Variants in GPC6 observed in about 807,000 individuals in gnomAD.
GPC6 encodes the protein glypican 6.
In GPC6, 14 loss-of-function variants were observed where a neutral mutation model predicts 55.2. The observed-to-expected ratio is 0.25, with a 90% CI of 0.17 to 0.40. The LOEUF (loss-of-function observed/expected upper bound fraction) is 0.40. Ranked by LOEUF, GPC6 falls within the 10% of genes least tolerant of loss-of-function variation. The probability of loss-of-function intolerance (pLI) is 1.00; values close to 1 mark genes in which losing one functional copy is unlikely to be tolerated. For missense variants in GPC6, 641 were observed against 708.5 expected, an observed-to-expected ratio of 0.90 and a Z score of 1.08; for synonymous variants, 278 against 259.6, an observed-to-expected ratio of 1.07 and a Z score of -0.68.
chr13:94,132,302 TC>T (rs1887029964), intron 4 of GPC6, among the ~76,000 whole-genome samples: 1 of 152,288 alleles, frequency 6.6e-6, no homozygotes, highest in South Asian at 2.1e-4. Context: ...TGAAGCTATT[TC>T]TTACACACGA....
chr13:93,640,737 CT>C (rs1879881584), intron 2 of GPC6, among the ~76,000 whole-genome samples: 1 of 121,774 alleles, frequency 8.2e-6, no homozygotes, highest in Admixed American at 8.3e-5. Context: ...CCTTCCCTCC[CT>C]CCTCCCCACT....
Position 93,372,290 on chromosome 13 carries a change from G to A in GPC6, c.160+144674G>A, listed in dbSNP as rs201821905. 1.6e-4 allele frequency among the ~76,000 whole-genome samples: 23 copies of A among 147,380 alleles called. No individual in the cohort carries two copies. In the East Asian group the frequency reaches 2.9e-3, roughly 19 times the overall value. On this transcript the variant is annotated intron_variant, in intron 1 of 8. Transcript: ENST00000377047. ...GAAGCAGAGGTCCTGCTTCTTTTGAGAAGATGGCTTATTGGCTATGAGTTT... is the reference window on the plus strand; with the variant it reads ...GAAGCAGAGGTCCTGCTTCTTTTGAAAAGATGGCTTATTGGCTATGAGTTT...
chr13:94,273,945 TTAAA>T lies in GPC6; in HGVS notation c.878-12399_878-12396del, dbSNP rs563715396. ...CCTATGAAGAATCAACAATAAAAAT[TTAAA>T]TAAAGAGTTATGGTTGGTAGTATAT... On this transcript the variant is annotated intron_variant, in intron 4 of 8. Transcript: ENST00000377047. 2.9e-3 allele frequency among the ~76,000 whole-genome samples: 447 copies of T among 152,282 alleles called. 3 individuals are homozygous for T. Among genetic ancestry groups the T allele is most frequent in the African/African-American group, 9.7e-3 (402 of 41,552 alleles).
chr13:94,183,225 C>A (rs763034571), intron 4 of GPC6, among the ~76,000 whole-genome samples: 3 of 152,184 alleles, frequency 2.0e-5, no homozygotes, highest in Admixed American at 6.5e-5. Context: ...TTACTTACCC[C>A]CAACCCCTGG....
intron 5 of GPC6, among the ~76,000 whole-genome samples, chr13:94,296,616 T>A (rs905888650): frequency 6.6e-6 from 1 of 152,218 alleles, no homozygotes; most frequent in Non-Finnish European, 1.5e-5. Flanking sequence ...TGATATGCAA[T>A]CTGGTTTGGT....
chr13:93,293,364 G>C lies in GPC6; in HGVS notation c.160+65748G>C, dbSNP rs371537885. On this transcript the variant is annotated intron_variant, in intron 1 of 8. Transcript: ENST00000377047. ...AGAAAACAAAAATCTAATTTCTATA[G>C]GAGATTTCCTTTTCCAGAAATTAAT... Among the ~76,000 whole-genome samples, 5 of 152,152 alleles carry C rather than the reference G, an allele frequency of 3.3e-5. No homozygotes were observed. The East Asian group carries it at 9.7e-4, about 29-fold the overall frequency.
intron 1 of GPC6, among the ~76,000 whole-genome samples, chr13:93,321,727 A>G (rs1412172535): frequency 6.6e-6 from 1 of 152,224 alleles, no homozygotes; most frequent in African/African-American, 2.4e-5. Context: ...CTAATAAATA[A>G]AAGAAGTTGC....
At chr13:93,825,378 A>G (rs1425661603) in intron 2 of GPC6, among the ~76,000 whole-genome samples, 2 of 152,222 alleles carry the variant, frequency 1.3e-5, no homozygotes, top group Non-Finnish European at 1.5e-5. Flanking sequence ...CCTGAGATAG[A>G]CTAGGGTCAT....
Position 93,231,361 on chromosome 13 carries a change from GTATATA to G in GPC6, c.160+3758_160+3763del, listed in dbSNP as rs1229841914. ...TATATATATACATATATATATATACGTATATATATATATATATACATATATATATAT... is the reference window on the plus strand; with the variant it reads ...TATATATATACATATATATATATACGTATATATATATACATATATATATAT... On this transcript the variant is annotated intron_variant, in intron 1 of 8. Coordinates refer to ENST00000377047, the MANE Select transcript of GPC6 (RefSeq NM_005708.5). Among the ~76,000 whole-genome samples, 275 of 86,094 alleles carry G rather than the reference GTATATA, an allele frequency of 3.2e-3. 2 individuals carry two copies. The highest frequency in any genetic ancestry group is 0.012 in the African/African-American group (261 of 21,264). The allele number at this position is 86,094 out of a possible 152,430, so 56.5% of individuals were successfully genotyped here. A position where few individuals can be genotyped will look rare whatever the true frequency, so the allele number is the denominator to read the frequency against.
chr13:93,915,678 A>G (rs1322599261), intron 3 of GPC6, among the ~76,000 whole-genome samples: 1 of 152,082 alleles, frequency 6.6e-6, no homozygotes, highest in South Asian at 2.1e-4. Context: ...TATTGCTCAT[A>G]ATGTTTCTTC....
chr13:93,760,671 G>T (rs1389492097), intron 2 of GPC6, among the ~76,000 whole-genome samples: 1 of 152,128 alleles, frequency 6.6e-6, no homozygotes, highest in African/African-American at 2.4e-5. Flanking sequence ...AATAAAATAT[G>T]CTGTATATAT....
intron 2 of GPC6, among the ~76,000 whole-genome samples, chr13:93,608,514 T>C (rs1316368022): frequency 6.6e-6 from 1 of 152,222 alleles, no homozygotes; most frequent in East Asian, 1.9e-4. Context: ...TTTTTGAAGA[T>C]GGTTGCTGAA....
At chr13:93,941,285 A>G (rs547356375) in intron 3 of GPC6, among the ~76,000 whole-genome samples, 9 of 152,368 alleles carry the variant, frequency 5.9e-5, no homozygotes, top group African/African-American at 1.9e-4. Flanking sequence ...TTATAAAGTC[A>G]CTGGCTAGTG....
intron 2 of GPC6, among the ~76,000 whole-genome samples, chr13:93,727,866 C>T (rs971907038): frequency 6.6e-6 from 1 of 152,048 alleles, no homozygotes; most frequent in Non-Finnish European, 1.5e-5. Flanking sequence ...TCTGTGAACT[C>T]GCTGCTAAAC....
At chr13:93,244,766 C>G (rs992926255) in intron 1 of GPC6, among the ~76,000 whole-genome samples, 2 of 152,168 alleles carry the variant, frequency 1.3e-5, no homozygotes, top group African/African-American at 4.8e-5. Flanking sequence ...GTGCAGCCTG[C>G]TGCCTACTGC....
chr13:93,222,016 AT>A (rs60127968), upstream of GPC6, among the ~76,000 whole-genome samples: 145,433 of 152,280 alleles, frequency 0.96, 69,796 homozygotes, highest in East Asian at 1. Flanking sequence ...TCTGCTTTTT[AT>A]TTTTTTTATA....
intron 5 of GPC6, among the ~76,000 whole-genome samples, chr13:94,298,170 G>A (rs1213182461): frequency 6.6e-6 from 1 of 152,152 alleles, no homozygotes; most frequent in Non-Finnish European, 1.5e-5. Flanking sequence ...GATAAATGCT[G>A]TTAGAAATCC....
chr13:93,230,403 AG>A (rs1875964780), intron 1 of GPC6, among the ~76,000 whole-genome samples: 1 of 152,254 alleles, frequency 6.6e-6, no homozygotes, highest in Admixed American at 6.5e-5. Context: ...ATGCTTGGGA[AG>A]GAGGAGGCCT....
chr13:94,369,812 G>GT (rs1006621521), intron 6 of GPC6, among the ~76,000 whole-genome samples: 151 of 151,760 alleles, frequency 9.9e-4, no homozygotes, highest in Non-Finnish European at 1.9e-3. Flanking sequence ...GTTTTTTGGG[G>GT]TTTTTTTTCC....
Sources: gnomAD v4.1 joint callset for allele counts (sites outside exome capture counted in the v4.1 genomes callset) on GRCh38, gnomAD v4.1.1 for gene constraint, MANE v1.5 for transcripts, NCBI Gene and HGNC (gene_info 2026-07-23, HGNC 2026-07-21) for gene names.